Variants in CHD6 observed in about 807,000 individuals in gnomAD.
The protein encoded by CHD6 is chromodomain helicase DNA binding protein 6.
Under a neutral mutation model 276.9 loss-of-function variants are expected in CHD6, and 50 were observed. That is an observed-to-expected ratio of 0.18 (90% CI 0.14 to 0.23). The LOEUF is 0.23. Ranked by LOEUF, CHD6 falls within the 10% of genes least tolerant of loss-of-function variation. The pLI is 1.00. For missense variants in CHD6, 2,564 were observed against 3,365.8 expected (o/e 0.76, Z 5.89); for synonymous variants, 1,173 against 1,229.3 (o/e 0.95, Z 0.96).
chr20:41,485,794 A>G (rs774660931), intron 14 of CHD6: 3 of 152,148 alleles, frequency 2.0e-5, no homozygotes, highest in Non-Finnish European at 4.4e-5. Flanking sequence ...GACTACAGTT[A>G]ATAACAATGT....
intron 1 of CHD6, among the ~76,000 whole-genome samples, chr20:41,587,804 T>A (rs1432673105): frequency 1.3e-5 from 2 of 150,358 alleles, no homozygotes; most frequent in South Asian, 4.2e-4. Context: ...CAGCAACTGA[T>A]GACATTTCTG....
intron 2 of CHD6, among the ~76,000 whole-genome samples, chr20:41,550,892 A>T (rs1601131490): frequency 2.6e-5 from 4 of 152,338 alleles, no homozygotes; most frequent in East Asian, 1.9e-4. Flanking sequence ...TCTAGGGGGA[A>T]CCCATCCACA....
intron 2 of CHD6, among the ~76,000 whole-genome samples, chr20:41,542,222 T>G (rs1049929178): frequency 6.6e-6 from 1 of 152,208 alleles, no homozygotes; most frequent in South Asian, 2.1e-4. Context: ...CTAGGACAAG[T>G]AGATGCTGAA....
rs1203517348 is a variant in CHD6 at position 41,440,051 on chromosome 20, G to T, written c.3956C>A (p.Ser1319Tyr). Residue 1319 changes from serine to tyrosine, a missense_variant, in exon 26 of 37, where the codon TCC (serine) becomes TAC (tyrosine). By Grantham distance (144) the Ser-to-Tyr change is moderately radical. Transcript: ENST00000373233. ...TGTAACACCCTGTTCTGCAGAAAGG[G>T]ACTTCTCATCGGGCATCCCAACTTT... ...LEKVGMPDEK[S>Y]LSAEQGVTDG... 6.2e-7 allele frequency: 1 copy of T among 1,613,900 alleles called. No homozygotes were observed. The highest frequency in any genetic ancestry group is 1.3e-5 in the African/African-American group (1 of 74,886).
chr20:41,443,127 T>C (rs899972674), intron 25 of CHD6, among the ~76,000 whole-genome samples: 7 of 152,222 alleles, frequency 4.6e-5, no homozygotes, highest in Non-Finnish European at 8.8e-5. Context: ...TCTGTGAGAA[T>C]CTGAATGGAA....
At chr20:41,488,770 G>C (rs930488117) in intron 12 of CHD6, among the ~76,000 whole-genome samples, 166 bp from the exon 13 acceptor site, 7 of 152,232 alleles carry the variant, frequency 4.6e-5, no homozygotes, top group Non-Finnish European at 2.9e-5. Context: ...TAACGAGCTA[G>C]TTAGCCAGAA....
At chr20:41,554,977 C>G (rs1471683671) in intron 1 of CHD6, among the ~76,000 whole-genome samples, 1 of 151,016 alleles carries the variant, frequency 6.6e-6, no homozygotes, top group Non-Finnish European at 1.5e-5. Flanking sequence ...GCGCCCCTCA[C>G]CTCCCGGACG....
intron 36 of CHD6, among the ~76,000 whole-genome samples, chr20:41,405,799 T>C (rs891143242): frequency 6.6e-6 from 1 of 151,464 alleles, no homozygotes; most frequent in Non-Finnish European, 1.5e-5. Context: ...CAGAAGAGAG[T>C]GGGGAGCTGG....
intron 5 of CHD6, among the ~76,000 whole-genome samples, chr20:41,504,946 C>G (rs372752369): frequency 6.6e-6 from 1 of 152,182 alleles, no homozygotes. Flanking sequence ...TTCCCATTTT[C>G]TCTTAGACAA....
chr20:41,455,728 T>A (rs914078171), intron 19 of CHD6, 72 bp downstream of exon 19: 1 of 1,020,814 alleles, frequency 9.8e-7, no homozygotes, highest in Admixed American at 2.7e-5. Context: ...GAAGCCCTGC[T>A]AATGGGTTTC....
At chr20:41,531,606 G>A (rs1242751819) in intron 3 of CHD6, among the ~76,000 whole-genome samples, 1 of 152,136 alleles carries the variant, frequency 6.6e-6, no homozygotes, top group Non-Finnish European at 1.5e-5. Context: ...CCGTCTGTAA[G>A]GTATTTTATG....
rs373004485 is a variant in CHD6 at position 41,405,306 on chromosome 20, C to T, written c.7435G>A (p.Val2479Ile). 3 of 1,614,068 alleles carry T rather than the reference C, an allele frequency of 1.9e-6. No homozygotes were observed. The highest frequency in any genetic ancestry group is 2.7e-5 in the African/African-American group (2 of 74,928). ...MNGLIAGMDL[V>I]GLQNMRNMPG... ...ATATTTCTCATGTTCTGAAGTCCTA[C>T]CAGGTCCATCCCAGCAATCAGTCCA... The change falls in exon 37 of 37, where the codon GTA (valine) becomes ATA (isoleucine). Residue 2479 changes from valine (V) to isoleucine (I), a missense_variant. Physicochemically the swap from Val to Ile is conservative, Grantham distance 29 (BLOSUM62 3). Around this residue, in one of 7 missense-constraint regions of CHD6, gnomAD observed 25 missense variants for 50.8 expected, o/e 0.49. Coordinates refer to ENST00000373233, the MANE Select transcript of CHD6 (RefSeq NM_032221.5).
intron 1 of CHD6, among the ~76,000 whole-genome samples, chr20:41,601,798 C>T (rs2045776024): frequency 6.6e-6 from 1 of 152,194 alleles, no homozygotes; most frequent in South Asian, 2.1e-4. Context: ...TGATACAGTG[C>T]CTGGCATATC....
intron 1 of CHD6, among the ~76,000 whole-genome samples, chr20:41,590,295 C>A (rs6102484): frequency 6.6e-6 from 1 of 151,930 alleles, no homozygotes; most frequent in Non-Finnish European, 1.5e-5. Flanking sequence ...ATGCAGGACA[C>A]AGGCATGGGC....
At chr20:41,429,532 A>G (rs1164152140) in intron 27 of CHD6, among the ~76,000 whole-genome samples, 1 of 152,208 alleles carries the variant, frequency 6.6e-6, no homozygotes, top group Non-Finnish European at 1.5e-5. Flanking sequence ...TGGAATAGCA[A>G]AGGGTCTGGA....
At chr20:41,534,824 G>A (rs1230445935) in intron 2 of CHD6, among the ~76,000 whole-genome samples, 2 of 152,068 alleles carry the variant, frequency 1.3e-5, no homozygotes, top group Admixed American at 6.5e-5. Flanking sequence ...TGGTTAAGGT[G>A]GTAAATTTTC....
chr20:41,483,237 A>AT, intron 16 of CHD6, 72 bp downstream of exon 16: 1 of 1,369,674 alleles, frequency 7.3e-7, no homozygotes, highest in Non-Finnish European at 9.8e-7. Flanking sequence ...AAAATTTTTG[A>AT]ATGGATCAAA....
chr20:41,518,282 A>ATG (rs944377571), intron 3 of CHD6, among the ~76,000 whole-genome samples: 1 of 152,182 alleles, frequency 6.6e-6, no homozygotes, highest in Non-Finnish European at 1.5e-5. Context: ...TTGTGTGTAT[A>ATG]TGTGTGTGTG....
intron 27 of CHD6, among the ~76,000 whole-genome samples, chr20:41,435,121 T>G (rs2047665512): frequency 6.6e-6 from 1 of 151,786 alleles, no homozygotes; most frequent in African/African-American, 2.4e-5. Flanking sequence ...ACCTAAATAA[T>G]TCATGGAAAG....
Sources: gnomAD v4.1 joint callset for allele counts (sites outside exome capture counted in the v4.1 genomes callset) on GRCh38, gnomAD v4.1.1 for gene constraint, gnomAD v4.1.1 regional missense constraint, MANE v1.5 for transcripts, NCBI Gene and HGNC (gene_info 2026-07-23, HGNC 2026-07-21) for gene names.